TXLNB: variants seen among roughly 807,000 people sequenced by gnomAD.
The protein encoded by TXLNB is taxilin beta.
A neutral mutation model predicts 57.4 loss-of-function variants in TXLNB; 37 were observed. The ratio of observed to expected loss-of-function variants is 0.64; its 90% CI spans 0.50 to 0.85. The LOEUF (loss-of-function observed/expected upper bound fraction) is 0.85, where lower values mean the gene tolerates loss of function less well. TXLNB is among the 40% of genes least tolerant of loss of function. The pLI, the probability that TXLNB is intolerant of heterozygous loss-of-function variation, is 0.00. For missense variants in TXLNB, 848 were observed against 825.6 expected (o/e 1.03, Z -0.33); for synonymous variants, 302 against 309.6 (o/e 0.98, Z 0.26).
chr6:139,265,175 T>C (rs1776584548), intron 4 of TXLNB, among the ~76,000 whole-genome samples: 1 of 152,206 alleles, frequency 6.6e-6, no homozygotes, highest in Non-Finnish European at 1.5e-5. Context: ...TATGAGTAGC[T>C]TGGACTAGAT....
the TXLNB span, among the ~76,000 whole-genome samples, chr6:139,302,321 A>G: frequency 2.1e-5 from 1 of 47,718 alleles, no homozygotes; most frequent in Non-Finnish European, 3.5e-5. Context: ...GAGAGAGGAG[A>G]AAAAAAAAAA....
At chr6:139,204,637 C>T in the TXLNB span, among the ~76,000 whole-genome samples, 1 of 152,144 alleles carries the variant, frequency 6.6e-6, no homozygotes, top group Non-Finnish European at 1.5e-5. Flanking sequence ...GAGCTAGGCA[C>T]CTGGCATTGT....
chr6:139,224,276 T>C, the TXLNB span, among the ~76,000 whole-genome samples: 1,421 of 128,898 alleles, frequency 0.011, 46 homozygotes, highest in East Asian at 0.14. Context: ...AAGGGGAACA[T>C]CACACTCTGG....
intron 2 of TXLNB, chr6:139,287,297 T>C (rs571673803): frequency 2.6e-5 from 4 of 152,424 alleles, no homozygotes; most frequent in African/African-American, 9.6e-5. Flanking sequence ...TAAATATTTC[T>C]TTCTGAGAAA....
the TXLNB span, among the ~76,000 whole-genome samples, chr6:139,214,750 C>T: frequency 6.6e-6 from 1 of 152,184 alleles, no homozygotes; most frequent in East Asian, 1.9e-4. Context: ...CCCAAAATCT[C>T]CTTAAGCTGA....
At chr6:139,206,727 C>T in the TXLNB span, among the ~76,000 whole-genome samples, 1 of 151,306 alleles carries the variant, frequency 6.6e-6, no homozygotes, top group South Asian at 2.1e-4. Context: ...AACCTACCAA[C>T]CAAGTGTCTG....
chr6:139,288,868 G>A lies in TXLNB; in HGVS notation c.32C>T (p.Ala11Val), dbSNP rs143305996. 77 of 1,613,850 alleles carry A rather than the reference G, an allele frequency of 4.8e-5. No individual in the cohort carries two copies. The highest frequency in any genetic ancestry group is 5.9e-5 in the Non-Finnish European group (70 of 1,179,996). ...ACCTGGAGGTGTTGACTGTCGTTCC[G>A]CTGAGAGCTGTTCAGAGTGATTAGC... MEANHSEQLS[A>V]ERQSTPPGDS... The change falls in exon 2 of 10, where the codon GCG becomes GTG. Residue 11 changes from alanine to valine, a missense_variant. Transcript: ENST00000358430.
At chr6:139,223,449 A>G in the TXLNB span, among the ~76,000 whole-genome samples, 4 of 152,168 alleles carry the variant, frequency 2.6e-5, no homozygotes, top group African/African-American at 7.2e-5. Flanking sequence ...TAGAAAACAA[A>G]TGTACAATAG....
the TXLNB span, among the ~76,000 whole-genome samples, chr6:139,308,536 C>A: frequency 6.6e-6 from 1 of 152,228 alleles, no homozygotes; most frequent in African/African-American, 2.4e-5. Context: ...TATATTCCAA[C>A]TAATACTCCT....
the TXLNB span, among the ~76,000 whole-genome samples, chr6:139,233,448 TA>T: frequency 0.085 from 12,642 of 148,410 alleles, 881 homozygotes; most frequent in African/African-American, 0.18. Flanking sequence ...GATAGATAGA[TA>T]TTTTTTTTGA....
At chr6:139,185,745 G>A in the TXLNB span, among the ~76,000 whole-genome samples, 10 of 152,280 alleles carry the variant, frequency 6.6e-5, no homozygotes, top group Admixed American at 6.5e-4. Context: ...ACTGGGTTAA[G>A]GGTGGTCTTT....
At chr6:139,306,580 C>T in the TXLNB span, among the ~76,000 whole-genome samples, 1 of 152,204 alleles carries the variant, frequency 6.6e-6, no homozygotes, top group Non-Finnish European at 1.5e-5. Flanking sequence ...CTCATGACTG[C>T]CCTTCGAATG....
At chr6:139,268,002 T>C (rs1051698449) in intron 4 of TXLNB, among the ~76,000 whole-genome samples, 3 of 151,824 alleles carry the variant, frequency 2.0e-5, no homozygotes, top group African/African-American at 7.3e-5. Context: ...AATACAAAAA[T>C]TAGCCAGGCA....
chr6:139,312,421 G>A, the TXLNB span, among the ~76,000 whole-genome samples: 1 of 152,206 alleles, frequency 6.6e-6, no homozygotes, highest in Non-Finnish European at 1.5e-5. Context: ...CTGGCTGGGG[G>A]CAACCCTATG....
At chr6:139,321,379 G>T in the TXLNB span, among the ~76,000 whole-genome samples, 172 of 152,254 alleles carry the variant, frequency 1.1e-3, no homozygotes, top group Non-Finnish European at 2.1e-3. Context: ...GTCACCATCT[G>T]TGAATCAGAA....
chr6:139,299,313 C>T, the TXLNB span, among the ~76,000 whole-genome samples: 1 of 152,196 alleles, frequency 6.6e-6, no homozygotes, highest in African/African-American at 2.4e-5. Flanking sequence ...TGGCATTCTG[C>T]TTCCTTTGGC....
chr6:139,268,788 C>T (rs962705858), intron 4 of TXLNB, among the ~76,000 whole-genome samples: 4 of 152,172 alleles, frequency 2.6e-5, no homozygotes, highest in Non-Finnish European at 5.9e-5. Flanking sequence ...GAAGCCATTA[C>T]TGAGGGCATA....
At chr6:139,323,679 G>A in the TXLNB span, among the ~76,000 whole-genome samples, 1 of 152,304 alleles carries the variant, frequency 6.6e-6, no homozygotes, top group East Asian at 1.9e-4. Context: ...CGAGGCACGT[G>A]GTTTCTCTCT....
the TXLNB span, among the ~76,000 whole-genome samples, chr6:139,305,181 T>C: frequency 7.9e-5 from 12 of 152,326 alleles, no homozygotes; most frequent in Non-Finnish European, 1.8e-4. Flanking sequence ...AACTCTCCCA[T>C]TGAAACTTTG....
Sources: gnomAD v4.1 joint callset for allele counts (sites outside exome capture counted in the v4.1 genomes callset) on GRCh38, gnomAD v4.1.1 for gene constraint, MANE v1.5 for transcripts, NCBI Gene and HGNC (gene_info 2026-07-23, HGNC 2026-07-21) for gene names.